The following LPP variants were observed in gnomAD, a reference collection of about 807,000 sequenced individuals.
The protein encoded by LPP is lipoma-preferred partner.
LPP carries 38 observed loss-of-function variants against 60.4 expected under a neutral mutation model. The observed-to-expected ratio is 0.63, with a 90% CI of 0.49 to 0.83. LPP has a LOEUF of 0.83. Among genes scored for constraint, LPP ranks in the 40% least tolerant of loss-of-function variants. The pLI, the probability that LPP is intolerant of heterozygous loss-of-function variation, is 0.00. For synonymous variants in LPP, 328 were observed against 290.8 expected (o/e 1.13, Z -1.30); for missense variants, 902 against 783.6 (o/e 1.15, Z -1.80).
intron 2 of LPP, among the ~76,000 whole-genome samples, chr3:188,260,990 T>C (rs1414080908): frequency 6.6e-6 from 1 of 152,070 alleles, no homozygotes; most frequent in Admixed American, 6.6e-5. Context: ...GGAGAATCCC[T>C]TGAACCCGGG....
At chr3:188,236,389 A>C (rs996795738) in intron 2 of LPP, among the ~76,000 whole-genome samples, 1 of 152,156 alleles carries the variant, frequency 6.6e-6, no homozygotes, top group African/African-American at 2.4e-5. Context: ...CTGGAGGAAG[A>C]GTGTGTAGAA....
chr3:188,476,848 A>G (rs1226288324), intron 4 of LPP, among the ~76,000 whole-genome samples: 1 of 152,202 alleles, frequency 6.6e-6, no homozygotes, highest in Non-Finnish European at 1.5e-5. Flanking sequence ...TTACAGAGGA[A>G]GATGTGTCAC....
intron 9 of LPP, among the ~76,000 whole-genome samples, chr3:188,859,356 A>G (rs1210641296): frequency 6.6e-6 from 1 of 152,166 alleles, no homozygotes; most frequent in Non-Finnish European, 1.5e-5. Flanking sequence ...CTTAAGAGTC[A>G]TAGACCACCA....
intron 3 of LPP, among the ~76,000 whole-genome samples, chr3:188,386,732 G>T (rs1482574774): frequency 6.6e-6 from 1 of 152,174 alleles, no homozygotes; most frequent in African/African-American, 2.4e-5. Flanking sequence ...TTGTGAGGAA[G>T]GACATACTTT....
intron 5 of LPP, among the ~76,000 whole-genome samples, chr3:188,507,849 T>C (rs1009940860): frequency 6.6e-6 from 1 of 152,254 alleles, no homozygotes; most frequent in Non-Finnish European, 1.5e-5. Context: ...CTTCAGTTTC[T>C]GTCCTTGGTA....
At chr3:188,809,715 T>C (rs1015940202) in intron 9 of LPP, among the ~76,000 whole-genome samples, 1 of 152,234 alleles carries the variant, frequency 6.6e-6, no homozygotes, top group African/African-American at 2.4e-5. Context: ...TTAGCTTTTG[T>C]TGCAGTTGCT....
intron 3 of LPP, among the ~76,000 whole-genome samples, chr3:188,385,092 G>A (rs192053973): frequency 6.6e-6 from 1 of 151,710 alleles, no homozygotes; most frequent in East Asian, 1.9e-4. Context: ...ATCCTTTATG[G>A]CCTTGCTGAA....
At chr3:188,823,578 G>A (rs567219237) in intron 9 of LPP, among the ~76,000 whole-genome samples, 95 of 152,182 alleles carry the variant, frequency 6.2e-4, no homozygotes, top group African/African-American at 2.1e-3. Flanking sequence ...AGGCTTTTTT[G>A]CATTCCCATG....
chr3:188,837,074 T>C (rs1035673509), intron 9 of LPP, among the ~76,000 whole-genome samples: 1 of 152,156 alleles, frequency 6.6e-6, no homozygotes, highest in East Asian at 1.9e-4. Context: ...TGACTGCTCC[T>C]AGACTGGCTG....
At chr3:188,313,884 C>G (rs1374625641) in intron 2 of LPP, among the ~76,000 whole-genome samples, 1 of 152,062 alleles carries the variant, frequency 6.6e-6, no homozygotes, top group African/African-American at 2.4e-5. Flanking sequence ...TCTACTTGCT[C>G]TAGTTAATGT....
chr3:188,380,099 G>T (rs1389296155), intron 3 of LPP, among the ~76,000 whole-genome samples: 3 of 152,184 alleles, frequency 2.0e-5, no homozygotes, highest in Admixed American at 6.5e-5. Flanking sequence ...GGTTGGTAGT[G>T]GAGAACCAGG....
At chr3:188,445,477 C>T (rs1002218752) in intron 4 of LPP, among the ~76,000 whole-genome samples, 25 of 151,972 alleles carry the variant, frequency 1.6e-4, no homozygotes, top group Non-Finnish European at 2.1e-4. Context: ...CATCACACAC[C>T]GGGGCCTGTT....
intron 3 of LPP, among the ~76,000 whole-genome samples, chr3:188,355,745 C>T (rs1767410923): frequency 6.6e-6 from 1 of 152,066 alleles, no homozygotes; most frequent in Non-Finnish European, 1.5e-5. Flanking sequence ...CAAAGTGTTC[C>T]CACGTTGTAG....
At chr3:188,746,649 T>C (rs1268857884) in intron 8 of LPP, 1 of 425,166 alleles carries the variant, frequency 2.4e-6, no homozygotes, top group Non-Finnish European at 4.7e-6. Context: ...TTTTATGCAG[T>C]TTCTGTGGAC....
At chr3:188,256,838 T>G (rs1029270959) in intron 2 of LPP, among the ~76,000 whole-genome samples, 7 of 152,226 alleles carry the variant, frequency 4.6e-5, no homozygotes, top group Non-Finnish European at 1.5e-5. Flanking sequence ...TCAGTGGCTC[T>G]TCATACATTT....
chr3:188,710,200 C>T (rs1866346225), intron 8 of LPP: 1 of 152,200 alleles, frequency 6.6e-6, no homozygotes, highest in South Asian at 2.1e-4. Flanking sequence ...TCCAAAAACA[C>T]ACAGTAGATG....
intron 7 of LPP, among the ~76,000 whole-genome samples, chr3:188,651,591 G>A (rs563753470): frequency 1.3e-5 from 2 of 152,282 alleles, no homozygotes; most frequent in Non-Finnish European, 1.5e-5. Flanking sequence ...TGGACTTATG[G>A]TTCCACATGG....
intron 2 of LPP, among the ~76,000 whole-genome samples, chr3:188,330,535 A>G (rs145023203): frequency 6.6e-6 from 1 of 152,182 alleles, no homozygotes; most frequent in East Asian, 1.9e-4. Flanking sequence ...ATCCCAAAGT[A>G]TGATTTGATT....
At chr3:188,817,250 G>A (rs1437889748) in intron 9 of LPP, among the ~76,000 whole-genome samples, 4 of 152,078 alleles carry the variant, frequency 2.6e-5, no homozygotes, top group South Asian at 2.1e-4. Flanking sequence ...AATCTGGTGC[G>A]TTTCTTCCTC....
Sources: allele counts gnomAD v4.1 joint callset (sites outside exome capture counted in the v4.1 genomes callset), GRCh38; gene constraint gnomAD v4.1.1; transcripts MANE v1.5; gene names NCBI Gene and HGNC (gene_info 2026-07-23, HGNC 2026-07-21).